FLNB: variants seen among roughly 807,000 people sequenced by gnomAD.
FLNB encodes filamin B.
FLNB carries 111 observed loss-of-function variants against 250.6 expected under a neutral mutation model. The ratio of observed to expected loss-of-function variants is 0.44; its 90% CI spans 0.38 to 0.52. FLNB has a LOEUF of 0.52. Among genes scored for constraint, FLNB ranks in the 20% least tolerant of loss-of-function variants. FLNB has a pLI of 0.00. For synonymous variants in FLNB, 1,302 were observed against 1,372.1 expected, an observed-to-expected ratio of 0.95 and a Z score of 1.13; for missense variants, 2,869 against 3,447.8, an observed-to-expected ratio of 0.83 and a Z score of 4.20.
rs760576242 is a variant in FLNB, at chr3:58,142,667, T to C, written c.5199T>C (p.Tyr1733=). The C allele has an allele frequency of 6.2e-7, 1 of 1,614,220 alleles. No individual in the cohort carries two copies. The highest frequency in any genetic ancestry group is 2.2e-5 in the East Asian group (1 of 44,890). ...GFRPWVTEEA[Y]VPVSDMNGLG... ...GTTTTTAGGTGACCGAAGAGGCCTA[T>C]GTCCCAGTGAGTGACATGAACGGCC... is the stretch of plus-strand genomic sequence containing the variant. The change falls in exon 31 of 46, where the codon TAT becomes TAC. Residue 1733 remains tyrosine (Y), a synonymous_variant. Transcript: ENST00000295956. This position sits in a 1 kb window ranked among gnomAD's most constrained non-coding sequence, Gnocchi z 4.3.
intron 3 of FLNB, among the ~76,000 whole-genome samples, chr3:58,080,246 G>C (rs569606762): frequency 6.6e-6 from 1 of 152,296 alleles, no homozygotes; most frequent in African/African-American, 2.4e-5. Context: ...AGGGAAGTTG[G>C]ACACATCTGT....
intron 4 of FLNB, 138 bp downstream of exon 4, chr3:58,081,914 A>G (rs1420417874): frequency 1.1e-5 from 10 of 916,558 alleles, no homozygotes; most frequent in Non-Finnish European, 1.8e-5. Context: ...CCTCCTTTGT[A>G]ACACATTTTA....
Position 58,098,861 on chromosome 3 carries a change from C to A in FLNB, c.1298C>A (p.Ala433Asp), listed in dbSNP as rs1455523738. 9 of 1,613,978 alleles carry A rather than the reference C, an allele frequency of 5.6e-6. No individual in the cohort carries two copies. The highest frequency in any genetic ancestry group is 1.1e-5 in the South Asian group (1 of 91,076). ...PGPHVVKIFF[A>D]GDTIPKSPFV... is the part of the protein sequence containing the mutation. ...CCTCACGTGGTCAAGATCTTCTTTG[C>A]TGGGGACACTATTCCTAAGAGTCCC... Residue 433 changes from alanine (A) to aspartate (D), a missense_variant, in exon 8 of 46, where the codon GCT becomes GAT. This residue lies in a region of FLNB where 1,348 missense variants were observed against 1,466.7 expected (regional missense o/e 0.92). Coordinates refer to ENST00000295956, the MANE Select transcript of FLNB (RefSeq NM_001457.4).
Position 58,131,908 on chromosome 3 carries a change from A to G in FLNB, c.4391-900A>G, listed in dbSNP as rs569787486. ...CCTCTATTATGAAGGACTCTCAAGT[A>G]ACAGCCTTTTGATTTTAGCTGACGA... On this transcript the variant is annotated intron_variant, in intron 25 of 45. Coordinates refer to ENST00000295956, the MANE Select transcript of FLNB (RefSeq NM_001457.4). The G allele has an allele frequency of 3.3e-6, 5 of 1,518,396 alleles. No individual in the cohort carries two copies. The African/African-American group carries it at 6.9e-5, about 21-fold the overall frequency. The allele number at this position is 1,518,396 out of a possible 1,614,324, so 94.1% of individuals were successfully genotyped here.
At chr3:58,099,950 G>T (rs1487558333) in intron 8 of FLNB, among the ~76,000 whole-genome samples, 1 of 152,038 alleles carries the variant, frequency 6.6e-6, no homozygotes, top group Non-Finnish European at 1.5e-5. Context: ...TCAGACTCTA[G>T]CCCCATTTAA....
chr3:58,114,720 G>T (rs7430045), intron 18 of FLNB, among the ~76,000 whole-genome samples: 68,862 of 132,622 alleles, frequency 0.52, 18,172 homozygotes, highest in East Asian at 0.9. Context: ...TTTTTTTTTT[G>T]TTGTTGTTGT....
rs534916038 is a variant in FLNB, at chr3:58,125,443, G to T, written c.3899-138G>T. On this transcript the variant is annotated intron_variant, in intron 22 of 45. Transcript: ENST00000295956. ...CCACTGCCCCCAGCCACATTACTGTGTTTTTAACCCCCTTTTCCAAATAAC... is the reference window on the plus strand; with the variant it reads ...CCACTGCCCCCAGCCACATTACTGTTTTTTTAACCCCCTTTTCCAAATAAC... 416 of 1,056,688 alleles carry T rather than the reference G, an allele frequency of 3.9e-4. 7 individuals are homozygous for T. The South Asian group carries it at 5.5e-3, about 14-fold the overall frequency. 65.5% of individuals were successfully genotyped at this position (1,056,688 alleles called of 1,614,324 possible). A position where few individuals can be genotyped will look rare whatever the true frequency, so the allele number is the denominator to read the frequency against.
chr3:58,040,137 T>G (rs901238682), intron 1 of FLNB, among the ~76,000 whole-genome samples: 14 of 152,230 alleles, frequency 9.2e-5, no homozygotes, highest in African/African-American at 3.4e-4. Context: ...AAGAGCCATC[T>G]CAAAAAAAGA....
At position 58,109,324 on chromosome 3, in the gene FLNB, TA is replaced by T; in HGVS notation, c.2199+3del. 6.2e-7 allele frequency: 1 copy of T among 1,612,692 alleles called. No homozygotes were observed. Among genetic ancestry groups the T allele is most frequent in the East Asian group, 2.2e-5 (1 of 44,826 alleles). ...AACATCCCGCACAGCCCCTACAGGG[TA>T]GGTTGTGAGGCAGAATCCTGGCTGT... On this transcript the variant is annotated splice_donor_region_variant and intron_variant, in intron 14 of 45. Transcript: ENST00000295956.
chr3:58,078,701 T>A lies in FLNB; in HGVS notation c.542-16T>A, dbSNP rs1430921238. 6.2e-7 allele frequency: 1 copy of A among 1,607,134 alleles called. No individual in the cohort carries two copies. Among genetic ancestry groups the A allele is most frequent in the Non-Finnish European group, 8.5e-7 (1 of 1,174,708 alleles). The stretch of plus-strand genomic sequence containing the variant: ...GTCAGCTAATGCTAAAAGAATCTTT[T>A]GTGTTCTGTTAACAGGTCTGTGCCC... On this transcript the variant is annotated splice_polypyrimidine_tract_variant and intron_variant, in intron 2 of 45. Transcript: ENST00000295956.
At position 58,102,350 on chromosome 3, in the gene FLNB, C is replaced by T; in HGVS notation, c.1483+10C>T. 2 of 1,614,068 alleles carry T rather than the reference C, an allele frequency of 1.2e-6. No individual in the cohort carries two copies. Among genetic ancestry groups the T allele is most frequent in the East Asian group, 2.2e-5 (1 of 44,876 alleles). ...ACCATGAAGGGTCCTAGTAAGTGTT[C>T]CTTTGTTTCTCTATCTCAGGTGTGG... On this transcript the variant is annotated intron_variant, in intron 9 of 45. Coordinates refer to ENST00000295956, the MANE Select transcript of FLNB (RefSeq NM_001457.4).
rs559585697 is a variant in FLNB at position 58,096,734 on chromosome 3, C to T, written c.984+516C>T. Among the ~76,000 whole-genome samples the T allele has an allele frequency of 4.6e-5, 7 of 152,292 alleles. No individual in the cohort carries two copies. In the South Asian group the frequency reaches 8.3e-4, roughly 18 times the overall value. On this transcript the variant is annotated intron_variant, in intron 6 of 45. Transcript: ENST00000295956. ...AGGTCACCTAGACTGTTCTTGAACT[C>T]CTGACCTCAAACTATCCTCCTGCCT...
At position 58,081,668 on chromosome 3, in the gene FLNB, G is replaced by A. The variant is rs80356508; in HGVS notation, c.679G>A (p.Glu227Lys). The change falls in exon 4 of 46, where the codon GAG becomes AAG. Residue 227 changes from glutamate to lysine, a missense_variant. Glu to Lys is a moderately conservative substitution (Grantham distance 56). Coordinates refer to ENST00000295956, the MANE Select transcript of FLNB (RefSeq NM_001457.4). ...AGAAATCATTCACCCGGATGTGGACGAGCACTCAGTTATGACTTACCTGTC... is the reference window on the plus strand; with the variant it reads ...AGAAATCATTCACCCGGATGTGGACAAGCACTCAGTTATGACTTACCTGTC... ...PEEIIHPDVD[E>K]HSVMTYLSQF... 1 of 1,613,972 alleles carries A rather than the reference G, an allele frequency of 6.2e-7. No individual in the cohort carries two copies. Among genetic ancestry groups the A allele is most frequent in the Non-Finnish European group, 8.5e-7 (1 of 1,179,952 alleles).
intron 4 of FLNB, among the ~76,000 whole-genome samples, chr3:58,090,400 A>AT (rs2097224830): frequency 6.6e-6 from 1 of 152,232 alleles, no homozygotes; most frequent in African/African-American, 2.4e-5. Context: ...AAATATAATG[A>AT]TAAAAAGTAT....
intron 20 of FLNB, among the ~76,000 whole-genome samples, chr3:58,122,741 C>T (rs1013301328): frequency 6.6e-6 from 1 of 152,176 alleles, no homozygotes; most frequent in African/African-American, 2.4e-5. Context: ...CTTCCATGAG[C>T]CCTCAACCTG....
rs769560299 is a variant in FLNB at position 58,108,506 on chromosome 3, A to G, written c.1990A>G (p.Asn664Asp). Reference sequence around the variant, plus strand: ...GGAGAAATCTGGATGCATTGTCAACAACCTGGCCGAGTTCACTGTGGATCC... The same window carrying G: ...GGAGAAATCTGGATGCATTGTCAACGACCTGGCCGAGTTCACTGTGGATCC... ...GLEKSGCIVN[N>D]LAEFTVDPKD... Residue 664 changes from asparagine to aspartate, a missense_variant, in exon 13 of 46, where the codon AAC becomes GAC. Physicochemically the swap from Asn to Asp is conservative, Grantham distance 23. Around this residue, in one of 5 missense-constraint regions of FLNB, gnomAD observed 1,348 missense variants for 1,466.7 expected, o/e 0.92. Transcript: ENST00000295956. The G allele has an allele frequency of 5.6e-6, 9 of 1,614,080 alleles. No individual in the cohort carries two copies. The South Asian group carries it at 8.8e-5, about 16-fold the overall frequency.
At chr3:58,019,455 C>T (rs1459624778) in intron 1 of FLNB, among the ~76,000 whole-genome samples, 1 of 152,124 alleles carries the variant, frequency 6.6e-6, no homozygotes, top group East Asian at 1.9e-4. Context: ...AAATTTTAAG[C>T]CTCTGCCTCT....
chr3:58,077,952 CT>C (rs988197418), intron 2 of FLNB, among the ~76,000 whole-genome samples: 1 of 151,992 alleles, frequency 6.6e-6, no homozygotes, highest in African/African-American at 2.4e-5. Context: ...CACACACCCC[CT>C]AAAGTTGATT....
chr3:58,115,125 A>G lies in FLNB; in HGVS notation c.2745+2807A>G, dbSNP rs77497121. On this transcript the variant is annotated intron_variant, in intron 18 of 45. Coordinates refer to ENST00000295956, the MANE Select transcript of FLNB (RefSeq NM_001457.4). ...AACATTCATTATTAGTAATGATAAAACTAACACTTTTATAGATAGAGCATT... is the reference window on the plus strand; with the variant it reads ...AACATTCATTATTAGTAATGATAAAGCTAACACTTTTATAGATAGAGCATT... Among the ~76,000 whole-genome samples the G allele has an allele frequency of 4.4e-3, 674 of 152,308 alleles. 8 individuals are homozygous for G. Among genetic ancestry groups the G allele is most frequent in the African/African-American group, 0.015 (629 of 41,560 alleles).
Sources: allele counts gnomAD v4.1 joint callset (sites outside exome capture counted in the v4.1 genomes callset), GRCh38; gene constraint gnomAD v4.1.1; regional missense constraint gnomAD v4.1.1; non-coding constraint Gnocchi (gnomAD v3.1); transcripts MANE v1.5; gene names NCBI Gene and HGNC (gene_info 2026-07-23, HGNC 2026-07-21).